Variants in SPRED2 observed in about 807,000 individuals in gnomAD.
SPRED2 encodes the protein sprouty related EVH1 domain containing 2, also known as sprouty-related, EVH1 domain-containing protein 2.
SPRED2 carries 47 observed loss-of-function variants against 43.0 expected under a neutral mutation model. That is an observed-to-expected ratio of 1.09 (90% CI 0.87 to 1.40). The LOEUF (loss-of-function observed/expected upper bound fraction) is 1.40, where lower values mean the gene tolerates loss of function less well. Among genes scored for constraint, SPRED2 ranks in the 40% most tolerant of loss-of-function variants. The pLI, the probability that SPRED2 is intolerant of heterozygous loss-of-function variation, is 0.00. For synonymous variants in SPRED2, 225 were observed against 225.7 expected (o/e 1.00, Z 0.03); for missense variants, 561 against 586.4 (o/e 0.96, Z 0.45).
intron 1 of SPRED2, among the ~76,000 whole-genome samples, chr2:65,399,672 CGCCTGGCCTTAACTG>C (rs1675838484): frequency 6.6e-6 from 1 of 151,898 alleles, no homozygotes; most frequent in Non-Finnish European, 1.5e-5. Context: ...TGAGCCACTG[CGCCTGGCCTTAACTG>C]GAAACTATTA....
At chr2:65,377,638 A>G in intron 1 of SPRED2, 1 of 471,236 alleles carries the variant, frequency 2.1e-6, no homozygotes, top group South Asian at 1.5e-5. Context: ...TCATCGTCTG[A>G]CCTGAACCCA....
chr2:65,364,789 T>C (rs2104325554), intron 1 of SPRED2, among the ~76,000 whole-genome samples: 1 of 152,308 alleles, frequency 6.6e-6, no homozygotes, highest in South Asian at 2.1e-4. Flanking sequence ...AATGCTACCA[T>C]GAAACCTAAT....
At position 65,431,903 on chromosome 2, in the gene SPRED2, C is replaced by T; in HGVS notation, c.26+59G>A. On this transcript the variant is annotated intron_variant, in intron 1 of 5. Transcript: ENST00000356388. ...TAAGCGTCCCCGCCCGCATCCTCAG[C>T]CCCGGCCCCCACGCTGCCCCTGAGG... The T allele has an allele frequency of 3.1e-6, 5 of 1,601,252 alleles. No individual in the cohort carries two copies. In the South Asian group the frequency reaches 5.5e-5, roughly 18 times the overall value.
intron 4 of SPRED2, among the ~76,000 whole-genome samples, chr2:65,322,254 CT>C (rs1673440709): frequency 1.3e-5 from 1 of 76,870 alleles, no homozygotes; most frequent in Non-Finnish European, 2.4e-5. Flanking sequence ...CTCTCTCTCT[CT>C]CTCTCTCTCT....
At chr2:65,405,066 T>A (rs1675991610) in intron 1 of SPRED2, among the ~76,000 whole-genome samples, 1 of 152,268 alleles carries the variant, frequency 6.6e-6, no homozygotes, top group Admixed American at 6.5e-5. Context: ...TAATGACAAT[T>A]TGCTAATATT....
chr2:65,430,642 C>T (rs1419800889), intron 1 of SPRED2, among the ~76,000 whole-genome samples: 1 of 152,128 alleles, frequency 6.6e-6, no homozygotes, highest in African/African-American at 2.4e-5. Context: ...CTCCGGAGCA[C>T]GCCTTCCGAA....
chr2:65,405,330 T>A (rs1675998265), intron 1 of SPRED2, among the ~76,000 whole-genome samples: 1 of 152,244 alleles, frequency 6.6e-6, no homozygotes, highest in African/African-American at 2.4e-5. Flanking sequence ...TCCAGGGAGT[T>A]ACTGAAATGT....
chr2:65,322,264 C>CTATATA (rs1673443326), intron 4 of SPRED2, among the ~76,000 whole-genome samples: 5 of 56,924 alleles, frequency 8.8e-5, no homozygotes, highest in African/African-American at 3.0e-4. Flanking sequence ...CTCTCTCTCT[C>CTATATA]TCTCTCTATA....
In SPRED2 at chr2:65,409,573, T is replaced by C. The variant is rs546437216; in HGVS notation, c.26+22389A>G. Among the ~76,000 whole-genome samples the C allele has an allele frequency of 1.1e-4, 16 of 151,638 alleles. 1 individual carries two copies. The South Asian group carries it at 3.1e-3, about 30-fold the overall frequency. ...TATAATAACACAGCTTTTAGCAATTTACATCTCATGCACTATTTAAAAATG... is the reference window on the plus strand; with the variant it reads ...TATAATAACACAGCTTTTAGCAATTCACATCTCATGCACTATTTAAAAATG... On this transcript the variant is annotated intron_variant, in intron 1 of 5. Transcript: ENST00000356388.
intron 1 of SPRED2, among the ~76,000 whole-genome samples, chr2:65,358,651 C>T (rs928869029): frequency 1.3e-5 from 2 of 152,194 alleles, no homozygotes; most frequent in Non-Finnish European, 2.9e-5. Context: ...GTTTAAGTTG[C>T]TTCAATGTGA....
intron 1 of SPRED2, among the ~76,000 whole-genome samples, chr2:65,345,900 G>A (rs562613764): frequency 1.6e-3 from 239 of 152,212 alleles, no homozygotes; most frequent in Non-Finnish European, 2.4e-3. Context: ...ACTTTTGGGG[G>A]AAATTTATTT....
At chr2:65,420,804 T>C (rs531401166) in intron 1 of SPRED2, among the ~76,000 whole-genome samples, 2 of 152,274 alleles carry the variant, frequency 1.3e-5, no homozygotes, top group African/African-American at 4.8e-5. Flanking sequence ...CCTAACTACA[T>C]TGCTGTCTAA....
At chr2:65,387,530 T>C (rs891603674) in intron 1 of SPRED2, among the ~76,000 whole-genome samples, 18 of 152,126 alleles carry the variant, frequency 1.2e-4, no homozygotes, top group African/African-American at 4.3e-4. Context: ...TCAAAACATA[T>C]CTGTAAACAC....
chr2:65,392,204 G>T (rs1389310511), intron 1 of SPRED2, among the ~76,000 whole-genome samples: 1 of 136,834 alleles, frequency 7.3e-6, no homozygotes, highest in East Asian at 2.1e-4. Context: ...TTTGGAGACA[G>T]GGTCTTGCTC....
At position 65,324,177 on chromosome 2, in the gene SPRED2, G is replaced by A. The variant is rs934604566; in HGVS notation, c.439-7294C>T. Among the ~76,000 whole-genome samples, 12 of 151,830 alleles carry A rather than the reference G, an allele frequency of 7.9e-5. No individual in the cohort carries two copies. The East Asian group carries it at 2.3e-3, about 29-fold the overall frequency. ...ATCAACATCTCCAAAAAAAGAGCAG[G>A]CTTCCAGTTGCCAGATTCTATAGAC... On this transcript the variant is annotated intron_variant, in intron 4 of 5. Transcript: ENST00000356388.
chr2:65,309,740 T>C (rs981569348), downstream of SPRED2, among the ~76,000 whole-genome samples: 9 of 152,162 alleles, frequency 5.9e-5, no homozygotes, highest in Non-Finnish European at 1.2e-4. Flanking sequence ...ACGTTGGTGG[T>C]ATGCCCAGTT....
chr2:65,328,002 A>G (rs35071341), intron 4 of SPRED2, among the ~76,000 whole-genome samples: 36,969 of 152,026 alleles, frequency 0.24, 5,070 homozygotes, highest in African/African-American at 0.34. Flanking sequence ...GATTACAGGC[A>G]TGAACCGCTG....
chr2:65,316,474 A>AG (rs1673235951), intron 5 of SPRED2, among the ~76,000 whole-genome samples: 1 of 152,230 alleles, frequency 6.6e-6, no homozygotes, highest in South Asian at 2.1e-4. Flanking sequence ...GGGAGGCTGA[A>AG]GACTTGCCTT....
intron 1 of SPRED2, among the ~76,000 whole-genome samples, chr2:65,348,811 T>A (rs1174371431): frequency 1.3e-5 from 2 of 151,058 alleles, no homozygotes; most frequent in Non-Finnish European, 3.0e-5. Context: ...AAAAAATCTA[T>A]GGCTAACAGA....
Sources: allele counts gnomAD v4.1 joint callset (sites outside exome capture counted in the v4.1 genomes callset), GRCh38; gene constraint gnomAD v4.1.1; transcripts MANE v1.5; gene names NCBI Gene and HGNC (gene_info 2026-07-23, HGNC 2026-07-21).